The following SPATA17 variants were observed in gnomAD, a reference collection of about 807,000 sequenced individuals.
The protein encoded by SPATA17 is spermatogenesis-associated protein 17.
SPATA17 carries 53 observed loss-of-function variants against 62.2 expected under a neutral mutation model. That is an observed-to-expected ratio of 0.85 (90% confidence interval 0.68 to 1.07). The LOEUF is 1.07. Among genes scored for constraint, SPATA17 ranks in the 50% least tolerant of loss-of-function variants. The pLI is 0.00. For missense variants in SPATA17, 466 were observed against 425.5 expected, an observed-to-expected ratio of 1.10 and a Z score of -0.84; for synonymous variants, 146 against 146.8, an observed-to-expected ratio of 0.99 and a Z score of 0.04.
chr1:217,659,651 A>C (rs936892541), intron 3 of SPATA17, among the ~76,000 whole-genome samples: 1 of 152,084 alleles, frequency 6.6e-6, no homozygotes, highest in Non-Finnish European at 1.5e-5. Context: ...ATAGATCCAC[A>C]TACTAAATAC....
At chr1:217,839,706 CT>C (rs34384178) in intron 9 of SPATA17, among the ~76,000 whole-genome samples, 22,781 of 149,502 alleles carry the variant, frequency 0.15, 1,789 homozygotes, top group Non-Finnish European at 0.17. Flanking sequence ...CCATATATAT[CT>C]TTTTTTTTTC....
chr1:217,728,178 A>G (rs1158538673), intron 5 of SPATA17, among the ~76,000 whole-genome samples: 3 of 152,198 alleles, frequency 2.0e-5, no homozygotes, highest in Non-Finnish European at 4.4e-5. Context: ...TGGAAGAAAT[A>G]ATACTATGAA....
At chr1:217,823,777 T>C (rs1674924958) in intron 9 of SPATA17, among the ~76,000 whole-genome samples, 2 of 152,060 alleles carry the variant, frequency 1.3e-5, no homozygotes, top group Admixed American at 6.6e-5. Flanking sequence ...ATTTGCTTTA[T>C]ATATTTAAGT....
At chr1:217,650,210 A>G (rs946331114) in intron 2 of SPATA17, among the ~76,000 whole-genome samples, 1 of 152,062 alleles carries the variant, frequency 6.6e-6, no homozygotes, top group African/African-American at 2.4e-5. Flanking sequence ...AAGTGCCGGG[A>G]TAACAGGCAT....
intron 5 of SPATA17, among the ~76,000 whole-genome samples, chr1:217,695,162 T>TC (rs1306180820): frequency 1.9e-5 from 1 of 51,310 alleles, no homozygotes; most frequent in Non-Finnish European, 3.6e-5. Context: ...TTTCACATAG[T>TC]CCCATATTTC....
chr1:217,640,603 G>A (rs983261497), intron 1 of SPATA17, among the ~76,000 whole-genome samples: 16 of 151,914 alleles, frequency 1.1e-4, no homozygotes, highest in African/African-American at 3.1e-4. Flanking sequence ...GTACAAGGGC[G>A]TTCATTAAAG....
chr1:217,833,445 T>C (rs1675192657), intron 9 of SPATA17, among the ~76,000 whole-genome samples: 1 of 152,158 alleles, frequency 6.6e-6, no homozygotes, highest in South Asian at 2.1e-4. Context: ...ATAAATCAGA[T>C]ATTACGAGTG....
intron 2 of SPATA17, among the ~76,000 whole-genome samples, chr1:217,650,746 T>A (rs929809889): frequency 2.6e-5 from 4 of 152,330 alleles, no homozygotes; most frequent in Non-Finnish European, 5.9e-5. Context: ...TTCTAATTGC[T>A]AATAATGATT....
Position 217,741,550 on chromosome 1 carries a change from G to T in SPATA17, c.396-425G>T, listed in dbSNP as rs548326141. ...AAACCTGTCACATTTTAAAAATTAG[G>T]CCATTAGTTAGTAGGCAAAATAAAT... is the stretch of plus-strand genomic sequence containing the variant. On this transcript the variant is annotated intron_variant, in intron 5 of 10. Coordinates refer to ENST00000366933, the MANE Select transcript of SPATA17 (RefSeq NM_138796.4). Among the ~76,000 whole-genome samples the T allele has an allele frequency of 4.1e-4, 62 of 152,156 alleles. No homozygotes were observed. The South Asian group carries it at 0.013, about 31-fold the overall frequency.
intron 1 of SPATA17, among the ~76,000 whole-genome samples, chr1:217,638,120 AT>A (rs1370745295): frequency 2.6e-5 from 4 of 152,046 alleles, no homozygotes; most frequent in Non-Finnish European, 5.9e-5. Context: ...TAATTGAAAA[AT>A]TTTTTGGCTA....
chr1:217,659,235 A>T (rs1670512215), intron 3 of SPATA17, among the ~76,000 whole-genome samples: 1 of 151,762 alleles, frequency 6.6e-6, no homozygotes, highest in Admixed American at 6.6e-5. Context: ...AATAGAAGTA[A>T]TAAGTATTCA....
At chr1:217,749,985 C>CTCTCTCTCTCTCTCTCTA in intron 6 of SPATA17, among the ~76,000 whole-genome samples, 2 of 12,314 alleles carry the variant, frequency 1.6e-4, no homozygotes, top group Non-Finnish European at 3.2e-4. Context: ...CTCTCTCTCT[C>CTCTCTCTCTCTCTCTCTA]TATATATATA....
At chr1:217,654,023 G>A (rs2102885901) in intron 3 of SPATA17, among the ~76,000 whole-genome samples, 1 of 151,932 alleles carries the variant, frequency 6.6e-6, no homozygotes, top group African/African-American at 2.4e-5. Context: ...TCCTATTGAT[G>A]GCTTTTAAAT....
Position 217,631,398 on chromosome 1 carries a change from T to A in SPATA17, c.20T>A (p.Leu7Gln), listed in dbSNP as rs752304387. MATLAR[L>Q]QARSSTVGNQ... ...GAGACCATGGCCACGTTAGCCCGGC[T>A]GCAAGCTAGGTCGTCGACTGTAGGA... is the stretch of plus-strand genomic sequence containing the variant. Residue 7 changes from leucine (L) to glutamine (Q), a missense_variant, in exon 1 of 11, where the codon CTG becomes CAG. Transcript: ENST00000366933. The A allele has an allele frequency of 1.2e-6, 2 of 1,614,150 alleles. No homozygotes were observed. Among genetic ancestry groups the A allele is most frequent in the East Asian group, 4.5e-5 (2 of 44,870 alleles).
rs1272562507 is a variant in SPATA17, at chr1:217,750,790, A to G, written c.519+8692A>G. Among the ~76,000 whole-genome samples the G allele has an allele frequency of 4.6e-5, 7 of 152,370 alleles. No individual in the cohort carries two copies. The East Asian group carries it at 1.3e-3, about 29-fold the overall frequency. On this transcript the variant is annotated intron_variant, in intron 6 of 10. Coordinates refer to ENST00000366933, the MANE Select transcript of SPATA17 (RefSeq NM_138796.4). The stretch of plus-strand genomic sequence containing the variant: ...ACTCGTCGGAATGTGCTAGAGCAGC[A>G]TGGGATCTTTAGGATGATCTTTCCA...
intron 8 of SPATA17, among the ~76,000 whole-genome samples, chr1:217,799,050 A>C (rs938924151): frequency 1.4e-4 from 22 of 152,056 alleles, no homozygotes; most frequent in African/African-American, 5.1e-4. Context: ...GTGATTTTTT[A>C]ATGTTAGTAG....
chr1:217,774,002 A>T (rs1243059728), intron 6 of SPATA17, among the ~76,000 whole-genome samples: 1 of 152,218 alleles, frequency 6.6e-6, no homozygotes, highest in Non-Finnish European at 1.5e-5. Flanking sequence ...CAGTTAGAAT[A>T]CAAAATGAAT....
At chr1:217,735,179 G>A (rs1672484002) in intron 5 of SPATA17, among the ~76,000 whole-genome samples, 1 of 152,178 alleles carries the variant, frequency 6.6e-6, no homozygotes, top group African/African-American at 2.4e-5. Flanking sequence ...TGACCTTCAG[G>A]ACCGGTCTTA....
intron 9 of SPATA17, among the ~76,000 whole-genome samples, chr1:217,844,687 T>A (rs1375450865): frequency 1.3e-5 from 2 of 152,146 alleles, no homozygotes; most frequent in Non-Finnish European, 2.9e-5. Flanking sequence ...GTTAAGTCAC[T>A]GTTACTCTGG....
Sources: gnomAD v4.1 joint callset for allele counts (sites outside exome capture counted in the v4.1 genomes callset) on GRCh38, gnomAD v4.1.1 for gene constraint, MANE v1.5 for transcripts, NCBI Gene and HGNC (gene_info 2026-07-23, HGNC 2026-07-21) for gene names.